The following PRIM2 variants were observed in gnomAD, a reference collection of about 807,000 sequenced individuals.
PRIM2 encodes DNA primase large subunit.
In PRIM2, 39 loss-of-function variants were observed where a neutral mutation model predicts 67.3. The observed-to-expected ratio is 0.58, with a 90% CI of 0.45 to 0.76. PRIM2 has a LOEUF of 0.76. Among genes scored for constraint, PRIM2 ranks in the 30% least tolerant of loss-of-function variants. The pLI, the probability that PRIM2 is intolerant of heterozygous loss-of-function variation, is 0.00. For synonymous variants in PRIM2, 143 were observed against 198.7 expected (o/e 0.72, Z 2.36); for missense variants, 398 against 598.7 (o/e 0.66, Z 3.50).
At chr6:57,366,401 G>A (rs1341700803) in intron 5 of PRIM2, among the ~76,000 whole-genome samples, 1 of 152,168 alleles carries the variant, frequency 6.6e-6, no homozygotes, top group Non-Finnish European at 1.5e-5. Flanking sequence ...CAAAGAGCCT[G>A]TGTAGTGGGG....
intron 8 of PRIM2, among the ~76,000 whole-genome samples, chr6:57,530,707 C>T (rs1774869267): frequency 1.3e-5 from 2 of 151,682 alleles, no homozygotes; most frequent in African/African-American, 4.9e-5. Flanking sequence ...GAAATCTGTA[C>T]CTTTTTTTTT....
At chr6:57,459,151 G>A (rs1772914180) in intron 7 of PRIM2, among the ~76,000 whole-genome samples, 1 of 152,164 alleles carries the variant, frequency 6.6e-6, no homozygotes, top group African/African-American at 2.4e-5. Context: ...CTCTGAGGCT[G>A]GGTTTCTTTA....
intron 7 of PRIM2, among the ~76,000 whole-genome samples, chr6:57,487,460 C>T (rs1179556921): frequency 6.6e-6 from 1 of 152,222 alleles, no homozygotes; most frequent in Non-Finnish European, 1.5e-5. Flanking sequence ...AGCTCCTTGC[C>T]TCAAGTGATC....
chr6:57,614,397 A>G (rs1292409746), intron 12 of PRIM2, among the ~76,000 whole-genome samples: 4 of 152,156 alleles, frequency 2.6e-5, no homozygotes, highest in Non-Finnish European at 4.4e-5. Flanking sequence ...GTCTGAAGTA[A>G]AAGCCGTTGT....
At chr6:57,477,492 T>C (rs1425916805) in intron 7 of PRIM2, among the ~76,000 whole-genome samples, 3 of 152,266 alleles carry the variant, frequency 2.0e-5, no homozygotes, top group Non-Finnish European at 2.9e-5. Context: ...GCCTTTCTAC[T>C]ACTTTTCACA....
rs148118150 is a variant in PRIM2 at position 57,362,407 on chromosome 6, A to G, written c.460-17494A>G. Among the ~76,000 whole-genome samples, 13 of 152,286 alleles carry G rather than the reference A, an allele frequency of 8.5e-5. 1 individual carries two copies. Among genetic ancestry groups the G allele is most frequent in the Admixed American group, 5.2e-4 (8 of 15,282 alleles). ...TTATTGCTTGAATAAACGTGGCTGC[A>G]TCAGTGGTTCATGTTGACTCAAAGC... On this transcript the variant is annotated intron_variant, in intron 5 of 13. Transcript: ENST00000615550.
intron 5 of PRIM2, among the ~76,000 whole-genome samples, chr6:57,337,403 A>G (rs1388043600): frequency 6.6e-6 from 1 of 151,886 alleles, no homozygotes; most frequent in Non-Finnish European, 1.5e-5. Context: ...TCAACAGAAT[A>G]TACATTTTTT....
chr6:57,232,147 G>C, the PRIM2 span, among the ~76,000 whole-genome samples: 1 of 152,100 alleles, frequency 6.6e-6, no homozygotes, highest in Admixed American at 6.6e-5. Context: ...AACAAGTTCC[G>C]CAAAACAAAA....
In PRIM2 at chr6:57,537,452, T is replaced by C; in HGVS notation, c.847T>C (p.Ser283Pro). The C allele has an allele frequency of 7.1e-7, 1 of 1,414,724 alleles. No individual in the cohort carries two copies. Among genetic ancestry groups the C allele is most frequent in the Non-Finnish European group, 9.7e-7 (1 of 1,028,732 alleles). The allele number at this position is 1,414,724 out of a possible 1,614,324, so 87.6% of individuals were successfully genotyped here. A position where few individuals can be genotyped will look rare whatever the true frequency, so the allele number is the denominator to read the frequency against. Residue 283 changes from serine (S) to proline (P), a missense_variant, in exon 10 of 14, where the codon TCC becomes CCC. Ser to Pro is a moderately conservative substitution (Grantham distance 74). Transcript: ENST00000615550. ...TTTTTTCTTGTAGCTTTCTACCAAA[T>C]CCTTCCCACCTTGCATGCGTCAGTT... ...LDQIDLLSTK[S>P]FPPCMRQLHK...
At chr6:57,592,077 C>G (rs1776290777) in intron 10 of PRIM2, among the ~76,000 whole-genome samples, 1 of 152,018 alleles carries the variant, frequency 6.6e-6, no homozygotes, top group Non-Finnish European at 1.5e-5. Context: ...AACAGAAAAT[C>G]AAATACTGCA....
At chr6:57,330,759 G>A (rs919370695) in intron 5 of PRIM2, among the ~76,000 whole-genome samples, 2 of 151,862 alleles carry the variant, frequency 1.3e-5, no homozygotes, top group Admixed American at 6.6e-5. Context: ...TTTTATAGAT[G>A]CCCTTTATCA....
At chr6:57,400,607 A>G (rs62415559) in intron 7 of PRIM2, among the ~76,000 whole-genome samples, 4 of 152,032 alleles carry the variant, frequency 2.6e-5, no homozygotes, top group African/African-American at 4.8e-5. Context: ...AGAATCTTGC[A>G]AGAGTTCTCT....
At chr6:57,478,604 CCTT>C (rs1393406036) in intron 7 of PRIM2, among the ~76,000 whole-genome samples, 1 of 152,036 alleles carries the variant, frequency 6.6e-6, no homozygotes, top group African/African-American at 2.4e-5. Context: ...TATGAAAGTA[CCTT>C]CTTCTTAGTT....
intron 7 of PRIM2, among the ~76,000 whole-genome samples, chr6:57,411,699 A>G (rs1160230914): frequency 6.6e-6 from 1 of 152,164 alleles, no homozygotes; most frequent in Non-Finnish European, 1.5e-5. Flanking sequence ...CTACTATGTC[A>G]AGGTATATTA....
chr6:57,401,740 A>G (rs1770715538), intron 7 of PRIM2, among the ~76,000 whole-genome samples: 2 of 152,136 alleles, frequency 1.3e-5, no homozygotes, highest in African/African-American at 4.8e-5. Flanking sequence ...ACCCAGTGCA[A>G]TCAGCCCAGG....
intron 7 of PRIM2, among the ~76,000 whole-genome samples, chr6:57,478,166 GT>G (rs1366142405): frequency 2.6e-5 from 4 of 152,076 alleles, no homozygotes; most frequent in Non-Finnish European, 5.9e-5. Flanking sequence ...CCTTATCTGT[GT>G]TCTTGACCTG....
At chr6:57,521,577 A>ATT (rs1215668077) in intron 8 of PRIM2, among the ~76,000 whole-genome samples, 1 of 151,980 alleles carries the variant, frequency 6.6e-6, no homozygotes, top group African/African-American at 2.4e-5. Flanking sequence ...ATTACAGTTC[A>ATT]TTTTGAAAGA....
intron 5 of PRIM2, among the ~76,000 whole-genome samples, chr6:57,362,739 C>T (rs1769241905): frequency 6.6e-6 from 1 of 151,570 alleles, no homozygotes; most frequent in African/African-American, 2.4e-5. Flanking sequence ...GTTTGAGAGG[C>T]CTTTAATTGT....
chr6:57,422,706 CT>C (rs5876557), intron 7 of PRIM2, among the ~76,000 whole-genome samples: 16 of 148,012 alleles, frequency 1.1e-4, no homozygotes, highest in South Asian at 6.5e-4. Context: ...TGATGGAATT[CT>C]TTTTTTTTTA....
Sources: allele counts gnomAD v4.1 joint callset (sites outside exome capture counted in the v4.1 genomes callset), GRCh38; gene constraint gnomAD v4.1.1; transcripts MANE v1.5; gene names NCBI Gene and HGNC (gene_info 2026-07-23, HGNC 2026-07-21).